Variants in RBFOX1 observed in about 807,000 individuals in gnomAD.
The protein encoded by RBFOX1 is RNA binding fox-1 homolog 1.
Under a neutral mutation model 57.7 loss-of-function variants are expected in RBFOX1, and 8 were observed. The observed-to-expected ratio is 0.14, with a 90% CI of 0.08 to 0.25. RBFOX1 has a LOEUF of 0.25. Ranked by LOEUF, RBFOX1 falls within the 10% of genes least tolerant of loss-of-function variation. The pLI, the probability that RBFOX1 is intolerant of heterozygous loss-of-function variation, is 1.00. For synonymous variants in RBFOX1, 326 were observed against 222.4 expected (o/e 1.47, Z -4.15); for missense variants, 611 against 548.5 (o/e 1.11, Z -1.14).
At chr16:6,884,203 CAT>C (rs1310892595) in intron 3 of RBFOX1, among the ~76,000 whole-genome samples, 6 of 151,970 alleles carry the variant, frequency 3.9e-5, no homozygotes, top group Non-Finnish European at 7.4e-5. Flanking sequence ...CTTCCTGGCT[CAT>C]GTGCAGTCAG....
intron 1 of RBFOX1, among the ~76,000 whole-genome samples, chr16:6,098,503 C>T (rs374215374): frequency 2.1e-4 from 32 of 152,294 alleles, no homozygotes; most frequent in African/African-American, 7.7e-4. Flanking sequence ...CTTTTGAGTT[C>T]CTTGTAAGTT....
intron 4 of RBFOX1, among the ~76,000 whole-genome samples, chr16:7,386,920 C>G (rs992704055): frequency 2.6e-5 from 4 of 152,190 alleles, no homozygotes; most frequent in African/African-American, 7.2e-5. Flanking sequence ...GATCTCCATT[C>G]TGACTGCCAT....
At chr16:7,709,458 CTT>C (rs572932607) in intron 15 of RBFOX1, 1 of 1,385,888 alleles carries the variant, frequency 7.2e-7, no homozygotes, top group Non-Finnish European at 9.4e-7. Context: ...TTTTTTTTTT[CTT>C]TTTTTTTCCC....
At chr16:5,712,981 G>C (rs990936161) in intron 3 of RBFOX1, among the ~76,000 whole-genome samples, 2 of 14,620 alleles carry the variant, frequency 1.4e-4, no homozygotes, top group East Asian at 8.7e-4. Context: ...CATCCTTGTA[G>C]TAGTACATGC....
chr16:6,755,901 G>C (rs146754829), intron 3 of RBFOX1, among the ~76,000 whole-genome samples: 2 of 152,124 alleles, frequency 1.3e-5, no homozygotes, highest in African/African-American at 4.8e-5. Context: ...AACTGCAGCA[G>C]ATGCACTTTT....
chr16:7,246,558 A>G (rs1253864623), intron 4 of RBFOX1, among the ~76,000 whole-genome samples: 1 of 151,828 alleles, frequency 6.6e-6, no homozygotes, highest in Non-Finnish European at 1.5e-5. Context: ...CTTTTCCACA[A>G]ACGCCAAGCT....
At chr16:7,622,007 G>A (rs1227979673) in intron 10 of RBFOX1, among the ~76,000 whole-genome samples, 3 of 152,114 alleles carry the variant, frequency 2.0e-5, no homozygotes, top group Non-Finnish European at 4.4e-5. Context: ...CTAGTCAAAT[G>A]TTACTGTGAT....
rs79133536 is a variant in RBFOX1, at chr16:7,237,843, A to G, written c.27+185745A>G. Reference sequence around the variant, plus strand: ...CAACGTGGTGAAAACTCAACTACTCAAAATAGAAAAATTAGCTGGACATGG... The same window carrying G: ...CAACGTGGTGAAAACTCAACTACTCGAAATAGAAAAATTAGCTGGACATGG... On this transcript the variant is annotated intron_variant, in intron 4 of 15. Coordinates refer to ENST00000550418, the MANE Select transcript of RBFOX1 (RefSeq NM_018723.4). 1.1e-4 allele frequency among the ~76,000 whole-genome samples: 16 copies of G among 152,326 alleles called. No individual in the cohort carries two copies. In the East Asian group the frequency reaches 2.7e-3, roughly 26 times the overall value.
At position 6,867,285 on chromosome 16, in the gene RBFOX1, G is replaced by C. The variant is rs188740265; in HGVS notation, c.-15-184772G>C. On this transcript the variant is annotated intron_variant, in intron 3 of 15. Transcript: ENST00000550418. ...CTTTCTGATGAGCATGGATGGAGGA[G>C]AGATCCATCCATATTCTGGATCATT... Among the ~76,000 whole-genome samples the C allele has an allele frequency of 9.8e-4, 149 of 152,102 alleles. 1 individual carries two copies. Among genetic ancestry groups the C allele is most frequent in the African/African-American group, 3.5e-3 (144 of 41,476 alleles).
intron 2 of RBFOX1, among the ~76,000 whole-genome samples, chr16:6,482,952 C>T (rs2095395610): frequency 6.6e-6 from 1 of 152,172 alleles, no homozygotes; most frequent in Non-Finnish European, 1.5e-5. Flanking sequence ...ACTCAGGGAA[C>T]CGTGCAAGGT....
intron 3 of RBFOX1, among the ~76,000 whole-genome samples, chr16:5,637,131 G>T (rs2048707712): frequency 6.6e-6 from 1 of 152,188 alleles, no homozygotes; most frequent in Admixed American, 6.5e-5. Context: ...ATTTCACAGT[G>T]AATCTTATTT....
chr16:7,083,118 T>C (rs1048764653), intron 4 of RBFOX1, among the ~76,000 whole-genome samples: 6 of 152,162 alleles, frequency 3.9e-5, no homozygotes, highest in African/African-American at 1.2e-4. Context: ...GAGGAATTGA[T>C]TGAATCATCA....
At chr16:5,675,703 A>G (rs1596700947) in intron 3 of RBFOX1, among the ~76,000 whole-genome samples, 1 of 152,192 alleles carries the variant, frequency 6.6e-6, no homozygotes. Context: ...GCTGGAGCCC[A>G]TCTGTCAGGG....
At chr16:6,549,740 G>C (rs533323160) in intron 2 of RBFOX1, among the ~76,000 whole-genome samples, 2 of 152,196 alleles carry the variant, frequency 1.3e-5, no homozygotes, top group South Asian at 4.2e-4. Flanking sequence ...AGTAAGGTAA[G>C]AATGAGGGGA....
At chr16:6,959,819 T>C (rs894676211) in intron 3 of RBFOX1, among the ~76,000 whole-genome samples, 7 of 152,100 alleles carry the variant, frequency 4.6e-5, no homozygotes, top group Middle Eastern at 3.4e-3. Flanking sequence ...CACCTGTAAT[T>C]CCAGCTACTC....
At chr16:6,845,803 T>A (rs2141710484) in intron 3 of RBFOX1, among the ~76,000 whole-genome samples, 1 of 152,316 alleles carries the variant, frequency 6.6e-6, no homozygotes, top group African/African-American at 2.4e-5. Context: ...CTCTTTCATA[T>A]TTTAGAGACT....
intron 4 of RBFOX1, among the ~76,000 whole-genome samples, chr16:6,012,743 C>G (rs113937078): frequency 6.6e-6 from 1 of 152,198 alleles, no homozygotes; most frequent in African/African-American, 2.4e-5. Context: ...TTATTCTTCC[C>G]TGCCCTGCCA....
At chr16:6,545,057 T>A (rs1271672718) in intron 2 of RBFOX1, among the ~76,000 whole-genome samples, 1 of 152,212 alleles carries the variant, frequency 6.6e-6, no homozygotes, top group Non-Finnish European at 1.5e-5. Context: ...CCAATAGGAC[T>A]GAGTTGAATT....
intron 4 of RBFOX1, among the ~76,000 whole-genome samples, chr16:7,079,580 A>G (rs773828466): frequency 6.6e-6 from 1 of 152,188 alleles, no homozygotes; most frequent in Non-Finnish European, 1.5e-5. Flanking sequence ...CTCCCTCTGT[A>G]TAAAGAAAAA....
Sources: gnomAD v4.1 joint callset for allele counts (sites outside exome capture counted in the v4.1 genomes callset) on GRCh38, gnomAD v4.1.1 for gene constraint, MANE v1.5 for transcripts, NCBI Gene and HGNC (gene_info 2026-07-23, HGNC 2026-07-21) for gene names.